LRRC49: variants seen among roughly 807,000 people sequenced by gnomAD.
LRRC49 encodes leucine rich repeat containing 49.
In LRRC49, 50 loss-of-function variants were observed where a neutral mutation model predicts 83.3. The observed-to-expected ratio is 0.60, with a 90% CI of 0.48 to 0.76. LRRC49 has a LOEUF of 0.76. Ranked by LOEUF, LRRC49 falls within the 30% of genes least tolerant of loss-of-function variation. The probability of loss-of-function intolerance (pLI) is 0.00; values close to 1 mark genes in which losing one functional copy is unlikely to be tolerated. For synonymous variants in LRRC49, 286 were observed against 283.3 expected (o/e 1.01, Z -0.10); for missense variants, 704 against 809.1 (o/e 0.87, Z 1.58).
chr15:70,967,400 A>G (rs2036830462), intron 9 of LRRC49, among the ~76,000 whole-genome samples: 1 of 152,038 alleles, frequency 6.6e-6, no homozygotes, highest in Non-Finnish European at 1.5e-5. Flanking sequence ...AGAGGATGCG[A>G]TGGGTGATGA....
chr15:70,937,391 T>G (rs2035635850), intron 8 of LRRC49, among the ~76,000 whole-genome samples: 1 of 152,162 alleles, frequency 6.6e-6, no homozygotes. Context: ...TCATTTAGAA[T>G]TGGAGCTGAG....
intron 11 of LRRC49, among the ~76,000 whole-genome samples, chr15:71,005,259 A>G (rs2038416570): frequency 6.6e-6 from 1 of 151,962 alleles, no homozygotes; most frequent in Admixed American, 6.6e-5. Flanking sequence ...TCCTTTTTAA[A>G]ATTGACTTTT....
At chr15:71,012,938 T>C (rs764243030) in intron 14 of LRRC49, 25 bp downstream of exon 14, 2 of 1,417,426 alleles carry the variant, frequency 1.4e-6, no homozygotes, top group South Asian at 2.4e-5. Context: ...TTGTAGTTTT[T>C]TATAGAATTA....
intron 8 of LRRC49, among the ~76,000 whole-genome samples, chr15:70,955,055 G>T (rs533485959): frequency 6.6e-6 from 1 of 152,000 alleles, no homozygotes; most frequent in African/African-American, 2.4e-5. Flanking sequence ...GGGTAGGGTC[G>T]CTTCTGCAGG....
chr15:70,961,844 T>C (rs1167764805), intron 8 of LRRC49, among the ~76,000 whole-genome samples: 1 of 152,194 alleles, frequency 6.6e-6, no homozygotes, highest in African/African-American at 2.4e-5. Flanking sequence ...ACATTAAGCC[T>C]GTAGAAATTT....
chr15:70,935,076 A>G (rs1018056696), intron 7 of LRRC49, among the ~76,000 whole-genome samples: 13 of 152,236 alleles, frequency 8.5e-5, no homozygotes, highest in Admixed American at 8.5e-4. Context: ...AGATGATTTT[A>G]AAAGTTTGCC....
At chr15:70,978,943 A>AT (rs1331797379) in intron 9 of LRRC49, among the ~76,000 whole-genome samples, 1 of 151,994 alleles carries the variant, frequency 6.6e-6, no homozygotes, top group Non-Finnish European at 1.5e-5. Context: ...AATTCTTATA[A>AT]TTTTTTGTTT....
intron 7 of LRRC49, among the ~76,000 whole-genome samples, chr15:70,922,618 A>G (rs544842892): frequency 2.6e-5 from 4 of 152,074 alleles, no homozygotes; most frequent in Non-Finnish European, 5.9e-5. Flanking sequence ...TGATAGCACA[A>G]TAGGGTGACT....
At chr15:71,037,412 C>A in intron 15 of LRRC49, 80 bp downstream of exon 15, 1 of 1,186,350 alleles carries the variant, frequency 8.4e-7, no homozygotes, top group Non-Finnish European at 1.2e-6. Flanking sequence ...GTACATTTTA[C>A]CCTTAGTTAA....
Position 70,904,565 on chromosome 15 carries a change from G to T in LRRC49, c.310G>T (p.Val104Leu). 6.2e-7 allele frequency: 1 copy of T among 1,611,978 alleles called. No individual in the cohort carries two copies. Among genetic ancestry groups the T allele is most frequent in the South Asian group, 1.1e-5 (1 of 90,908 alleles). The stretch of plus-strand genomic sequence containing the variant: ...CATTTTTTCTAGACAAAAGCTGACC[G>T]TATGTCCTATCATCAATGGGGAAGA... ...RLSLERQKLTVCPIINGEDHL... is the reference protein window; with the variant it reads ...RLSLERQKLTLCPIINGEDHL... The change falls in exon 5 of 16, where the codon GTA (valine) becomes TTA (leucine). Residue 104 changes from valine (V) to leucine (L), a missense_variant. Around this residue, in one of 3 missense-constraint regions of LRRC49, gnomAD observed 261 missense variants for 330.5 expected, o/e 0.79. Coordinates refer to ENST00000260382, the MANE Select transcript of LRRC49 (RefSeq NM_017691.5).
upstream of LRRC49, chr15:70,891,858 C>A: frequency 6.3e-7 from 1 of 1,597,198 alleles, no homozygotes; most frequent in Admixed American, 1.7e-5. Context: ...GAAGCTGCAG[C>A]CTGCTTCCCA....
Position 70,984,091 on chromosome 15 carries a change from T to C in LRRC49, c.1006-3T>C. On this transcript the variant is annotated splice_region_variant and splice_polypyrimidine_tract_variant and intron_variant, in intron 10 of 15. Coordinates refer to ENST00000260382, the MANE Select transcript of LRRC49 (RefSeq NM_017691.5). ...ACTTTTGTCACAATTAACTTTTTCA[T>C]AGGAGAAGAAAAGGTTAACAATTAA... is the stretch of plus-strand genomic sequence containing the variant. 3 of 1,612,138 alleles carry C rather than the reference T, an allele frequency of 1.9e-6. No homozygotes were observed. The highest frequency in any genetic ancestry group is 1.7e-6 in the Non-Finnish European group (2 of 1,178,988).
At chr15:71,003,509 T>G (rs1376862753) in intron 11 of LRRC49, among the ~76,000 whole-genome samples, 2 of 152,190 alleles carry the variant, frequency 1.3e-5, no homozygotes, top group African/African-American at 4.8e-5. Context: ...AGTTACCCAC[T>G]CTAGAAATCT....
intron 11 of LRRC49, among the ~76,000 whole-genome samples, chr15:70,991,815 G>A (rs2037890805): frequency 6.6e-6 from 1 of 152,098 alleles, no homozygotes; most frequent in Non-Finnish European, 1.5e-5. Flanking sequence ...TTTACTTCAG[G>A]TTTTTAGCTG....
chr15:71,013,082 T>C (rs2038710478), intron 14 of LRRC49, among the ~76,000 whole-genome samples, 169 bp downstream of exon 14: 1 of 152,186 alleles, frequency 6.6e-6, no homozygotes, highest in Non-Finnish European at 1.5e-5. Context: ...AAGTCCTTAT[T>C]CTCGTATGGC....
chr15:71,004,042 C>A (rs1199492226), intron 11 of LRRC49, among the ~76,000 whole-genome samples: 2 of 152,192 alleles, frequency 1.3e-5, no homozygotes, highest in African/African-American at 4.8e-5. Context: ...ACACCAGTAC[C>A]TAGATCCATG....
At chr15:70,864,540 C>G (rs886655847) in intron 1 of LRRC49, among the ~76,000 whole-genome samples, 1 of 152,220 alleles carries the variant, frequency 6.6e-6, no homozygotes, top group Non-Finnish European at 1.5e-5. Flanking sequence ...TCCCTCTGCT[C>G]TGGCCATACT....
intron 11 of LRRC49, among the ~76,000 whole-genome samples, chr15:71,003,063 G>A (rs1052457607): frequency 1.5e-5 from 2 of 137,802 alleles, no homozygotes; most frequent in African/African-American, 2.7e-5. Flanking sequence ...TCAGCCTCCC[G>A]AGTAGCTGGG....
At chr15:70,863,606 C>A (rs1179015902) in intron 1 of LRRC49, among the ~76,000 whole-genome samples, 1 of 152,130 alleles carries the variant, frequency 6.6e-6, no homozygotes, top group African/African-American at 2.4e-5. Context: ...AATAGTCATC[C>A]CAGAGAAATA....
Sources: gnomAD v4.1 joint callset for allele counts (sites outside exome capture counted in the v4.1 genomes callset) on GRCh38, gnomAD v4.1.1 for gene constraint, gnomAD v4.1.1 regional missense constraint, MANE v1.5 for transcripts, NCBI Gene and HGNC (gene_info 2026-07-23, HGNC 2026-07-21) for gene names.